The following LRRC69 variants were observed in gnomAD, a reference collection of about 807,000 sequenced individuals.
LRRC69 encodes the protein leucine-rich repeat-containing protein 69.
A neutral mutation model predicts 37.8 loss-of-function variants in LRRC69; 42 were observed. The ratio of observed to expected loss-of-function variants is 1.11; its 90% CI spans 0.87 to 1.44. LRRC69 has a LOEUF of 1.44. LRRC69 is among the 40% of genes most tolerant of loss of function. LRRC69 has a pLI of 0.00. For synonymous variants in LRRC69, 141 were observed against 143.1 expected, an observed-to-expected ratio of 0.99 and a Z score of 0.11; for missense variants, 357 against 401.9, an observed-to-expected ratio of 0.89 and a Z score of 0.96.
At chr8:91,111,368 A>G (rs1344703426) in intron 1 of LRRC69, among the ~76,000 whole-genome samples, 2 of 151,898 alleles carry the variant, frequency 1.3e-5, no homozygotes, top group Admixed American at 1.3e-4. Context: ...CCCCGTCTCT[A>G]TTAAAAATAC....
chr8:91,117,614 G>A lies in LRRC69; in HGVS notation c.184-6879G>A, dbSNP rs190787523. Among the ~76,000 whole-genome samples, 18 of 138,758 alleles carry A rather than the reference G, an allele frequency of 1.3e-4. No individual in the cohort carries two copies. In the East Asian group the frequency reaches 3.6e-3, roughly 28 times the overall value. The allele number at this position is 138,758 out of a possible 152,430, so 91.0% of individuals were successfully genotyped here. A position where few individuals can be genotyped will look rare whatever the true frequency, so the allele number is the denominator to read the frequency against. ...GATAACTGTAAATTCCTACATTTAG[G>A]TTAAGAAATGAATTCAATTGCACAA... is the stretch of plus-strand genomic sequence containing the variant. On this transcript the variant is annotated intron_variant, in intron 1 of 7. Coordinates refer to ENST00000448384, the Ensembl canonical transcript of LRRC69.
chr8:91,196,922 G>A (rs56260731), intron 6 of LRRC69, among the ~76,000 whole-genome samples: 18 of 151,846 alleles, frequency 1.2e-4, no homozygotes, highest in South Asian at 4.2e-4. Context: ...GGCGCTCTGC[G>A]TTTTAGAGTT....
At chr8:91,117,045 A>G (rs1813522759) in intron 1 of LRRC69, among the ~76,000 whole-genome samples, 1 of 152,054 alleles carries the variant, frequency 6.6e-6, no homozygotes, top group East Asian at 1.9e-4. Context: ...GTGGGTCAAT[A>G]CAATCAAACA....
chr8:91,148,733 C>T (rs1393528564), intron 5 of LRRC69, among the ~76,000 whole-genome samples: 1 of 151,976 alleles, frequency 6.6e-6, no homozygotes, highest in Non-Finnish European at 1.5e-5. Context: ...TCCACATCCT[C>T]TCCAGCACCT....
intron 4 of LRRC69, among the ~76,000 whole-genome samples, chr8:91,133,609 A>G (rs950658550): frequency 3.3e-5 from 5 of 152,086 alleles, no homozygotes; most frequent in Admixed American, 2.0e-4. Context: ...GGAATAGACT[A>G]AAAAACCTAT....
intron 3 of LRRC69, among the ~76,000 whole-genome samples, chr8:91,127,603 A>T (rs371166060): frequency 0.092 from 1,436 of 15,648 alleles, 11 homozygotes; most frequent in African/African-American, 0.32. Flanking sequence ...TCATTAACCA[A>T]AAAAAAAAAA....
chr8:91,135,723 A>C, exon 5 of LRRC69: 2 of 1,446,586 alleles, frequency 1.4e-6, no homozygotes, highest in East Asian at 2.9e-5. Context: ...AATATTATTC[A>C]GATATTTCCA....
chr8:91,105,494 G>C (rs1813295237), intron 1 of LRRC69, among the ~76,000 whole-genome samples: 1 of 151,732 alleles, frequency 6.6e-6, no homozygotes, highest in Non-Finnish European at 1.5e-5. Context: ...AACTGGCCTG[G>C]GCAACATAGT....
intron 5 of LRRC69, chr8:91,157,387 G>A: frequency 6.2e-7 from 1 of 1,607,818 alleles, no homozygotes; most frequent in Non-Finnish European, 8.5e-7. Context: ...TGTATGTCTA[G>A]CTAAGATGTA....
At chr8:91,206,783 C>A in intron 7 of LRRC69, 1 of 1,289,644 alleles carries the variant, frequency 7.8e-7, no homozygotes. Context: ...ACCTGGAATA[C>A]CTCAATTAAT....
At chr8:91,107,998 G>A (rs1159260815) in intron 1 of LRRC69, among the ~76,000 whole-genome samples, 2 of 152,028 alleles carry the variant, frequency 1.3e-5, no homozygotes, top group African/African-American at 4.8e-5. Context: ...TAGGAACAAA[G>A]GTTCCTCACA....
At chr8:91,162,105 G>A (rs1319226744) in intron 5 of LRRC69, among the ~76,000 whole-genome samples, 1 of 151,208 alleles carries the variant, frequency 6.6e-6, no homozygotes, top group Non-Finnish European at 1.5e-5. Flanking sequence ...TTATTCCATT[G>A]TGATCTGAAA....
At chr8:91,191,825 G>A (rs1809500550) in intron 6 of LRRC69, among the ~76,000 whole-genome samples, 1 of 152,030 alleles carries the variant, frequency 6.6e-6, no homozygotes, top group South Asian at 2.1e-4. Flanking sequence ...TTGGGTCCAG[G>A]AGCACAAAAG....
intron 5 of LRRC69, among the ~76,000 whole-genome samples, chr8:91,174,538 A>G (rs1809191236): frequency 6.6e-6 from 1 of 152,190 alleles, no homozygotes; most frequent in African/African-American, 2.4e-5. Context: ...CCTGTCAGAT[A>G]AGATAAATGG....
At chr8:91,180,967 C>G (rs1420948379) in intron 5 of LRRC69, among the ~76,000 whole-genome samples, 2 of 151,488 alleles carry the variant, frequency 1.3e-5, no homozygotes, top group South Asian at 4.2e-4. Flanking sequence ...TAAAATACCT[C>G]TAGGAAAAAA....
rs1813834696 is a variant in LRRC69 at position 91,133,036 on chromosome 8, T to A, written c.384-74T>A. 5 of 827,444 alleles carry A rather than the reference T, an allele frequency of 6.0e-6. No individual in the cohort carries two copies. In the South Asian group the frequency reaches 9.4e-5, roughly 16 times the overall value. The allele number at this position is 827,444 out of a possible 1,614,324, so 51.3% of individuals were successfully genotyped here. A position where few individuals can be genotyped will look rare whatever the true frequency, so the allele number is the denominator to read the frequency against. ...AAATAAATTGACACATGGCTTCTGC[T>A]AAGTTGGGCCTATATAGTGGACTCT... On this transcript the variant is annotated intron_variant, in intron 3 of 7. Coordinates refer to ENST00000448384, the Ensembl canonical transcript of LRRC69.
intron 7 of LRRC69, among the ~76,000 whole-genome samples, chr8:91,211,918 G>T (rs1037854342): frequency 6.6e-6 from 1 of 151,944 alleles, no homozygotes; most frequent in African/African-American, 2.4e-5. Context: ...TTCTATTCAG[G>T]TGAATGTAAA....
chr8:91,106,335 C>A (rs1813310796), intron 1 of LRRC69, among the ~76,000 whole-genome samples: 1 of 151,848 alleles, frequency 6.6e-6, no homozygotes, highest in African/African-American at 2.4e-5. Flanking sequence ...CCAGTTTGCC[C>A]CAATATACTG....
chr8:91,167,957 T>C (rs1317412119), intron 5 of LRRC69, among the ~76,000 whole-genome samples: 1 of 152,006 alleles, frequency 6.6e-6, no homozygotes, highest in Non-Finnish European at 1.5e-5. Flanking sequence ...AATTTCCTTA[T>C]TTATTAATAT....
Sources: gnomAD v4.1 joint callset for allele counts (sites outside exome capture counted in the v4.1 genomes callset) on GRCh38, gnomAD v4.1.1 for gene constraint, MANE v1.5 for transcripts, NCBI Gene and HGNC (gene_info 2026-07-23, HGNC 2026-07-21) for gene names.